Variants in FOXRED2 observed in about 807,000 individuals in gnomAD.
The protein encoded by FOXRED2 is FAD-dependent oxidoreductase domain-containing protein 2.
A neutral mutation model predicts 52.5 loss-of-function variants in FOXRED2; 32 were observed. That is an observed-to-expected ratio of 0.61 (90% confidence interval 0.46 to 0.82). The LOEUF (loss-of-function observed/expected upper bound fraction) is 0.82, where lower values mean the gene tolerates loss of function less well. Ranked by LOEUF, FOXRED2 falls within the 40% of genes least tolerant of loss-of-function variation. The probability of loss-of-function intolerance (pLI) is 0.00; values close to 1 mark genes in which losing one functional copy is unlikely to be tolerated. For missense variants in FOXRED2, 848 were observed against 937.5 expected, an observed-to-expected ratio of 0.90 and a Z score of 1.25; for synonymous variants, 405 against 398.1, an observed-to-expected ratio of 1.02 and a Z score of -0.21.
In FOXRED2 at chr22:36,505,934, G is replaced by A. The variant is rs748115110; in HGVS notation, c.489C>T (p.Phe163=). 9.9e-6 allele frequency: 16 copies of A among 1,614,014 alleles called. No homozygotes were observed. Among genetic ancestry groups the A allele is most frequent in the Non-Finnish European group, 1.4e-5 (16 of 1,179,964 alleles). ...CCTGGCCCTTCTGGTCAGTTAGGAT[G>A]AAGTAGTGGCCATTCCAGGCCTGTC... The part of the protein sequence containing the change: ...KDRQAWNGHY[F]ILTDQKGQVH... The change falls in exon 2 of 9, where the codon TTC becomes TTT. Residue 163 remains phenylalanine (F), a synonymous_variant. Transcript: ENST00000397224.
At chr22:36,505,828 A>C (rs1934176095) in intron 2 of FOXRED2, 68 bp downstream of exon 2, 2 of 1,522,582 alleles carry the variant, frequency 1.3e-6, no homozygotes, top group African/African-American at 1.4e-5. Context: ...CCTACTGGCC[A>C]ATCAAGGTGT....
At chr22:36,497,766 T>C (rs937341994) in intron 6 of FOXRED2, among the ~76,000 whole-genome samples, 1 of 152,188 alleles carries the variant, frequency 6.6e-6, no homozygotes, top group South Asian at 2.1e-4. Flanking sequence ...ATTTTGCAGA[T>C]GAGGAAGAAG....
chr22:36,493,815 A>C lies in FOXRED2; in HGVS notation c.1625-12T>G. 4 of 1,612,976 alleles carry C rather than the reference A, an allele frequency of 2.5e-6. No homozygotes were observed. Among genetic ancestry groups the C allele is most frequent in the Non-Finnish European group, 3.4e-6 (4 of 1,179,282 alleles). ...CCTCACCTCCTGTTCTGTGGGGAGG[A>C]GAGAGGGGGCCATGTCAGAGCTGTG... On this transcript the variant is annotated splice_polypyrimidine_tract_variant and intron_variant, in intron 7 of 8. Transcript: ENST00000397224.
At chr22:36,503,345 C>A (rs367626487) in intron 4 of FOXRED2, among the ~76,000 whole-genome samples, 1 of 147,772 alleles carries the variant, frequency 6.8e-6, no homozygotes, top group Non-Finnish European at 1.5e-5. Flanking sequence ...ATAAGAGTCT[C>A]GTCACCCAGG....
At chr22:36,490,878 C>A (rs901777190) in intron 8 of FOXRED2, among the ~76,000 whole-genome samples, 2 of 152,162 alleles carry the variant, frequency 1.3e-5, no homozygotes, top group African/African-American at 4.8e-5. Flanking sequence ...AAGAAACGGC[C>A]GGGCGTGGTG....
intron 8 of FOXRED2, among the ~76,000 whole-genome samples, 155 bp downstream of exon 8, chr22:36,493,478 G>C (rs935960902): frequency 9.9e-5 from 15 of 151,896 alleles, no homozygotes; most frequent in Non-Finnish European, 1.2e-4. Context: ...ATTATTTTTA[G>C]GTGAGTTGTA....
At position 36,504,353 on chromosome 22, in the gene FOXRED2, C is replaced by G. The variant is rs1186372799; in HGVS notation, c.794G>C (p.Gly265Ala). 2 of 1,613,984 alleles carry G rather than the reference C, an allele frequency of 1.2e-6. No homozygotes were observed. The highest frequency in any genetic ancestry group is 2.2e-5 in the South Asian group (2 of 91,078). The change falls in exon 4 of 9, where the codon GGC becomes GCC. Residue 265 changes from glycine (G) to alanine (A), a missense_variant. Coordinates refer to ENST00000397224, the MANE Select transcript of FOXRED2 (RefSeq NM_001102371.2). The part of the protein sequence containing the change: ...YVGDLRAINN[G>A]LLDTYQLKSL... ...CTTGAGCTGGTAGGTATCCAGCAGG[C>G]CATTGTTGATGGCTCTGAGCCCACA...
intron 7 of FOXRED2, 106 bp downstream of exon 7, chr22:36,495,861 A>G: frequency 7.7e-7 from 1 of 1,294,998 alleles, no homozygotes; most frequent in South Asian, 1.3e-5. Context: ...CAGCCATCCC[A>G]CCTGTCAGCT....
At position 36,489,394 on chromosome 22, in the gene FOXRED2, A is replaced by G. The variant is rs1227058085; in HGVS notation, c.*614T>C. 1.3e-5 allele frequency: 2 copies of G among 152,192 alleles called. No homozygotes were observed. Among genetic ancestry groups the G allele is most frequent in the Non-Finnish European group, 2.9e-5 (2 of 68,052 alleles). The allele number at this position is 152,192 out of a possible 1,614,324, so 9.4% of individuals were successfully genotyped here. A position where few individuals can be genotyped will look rare whatever the true frequency, so the allele number is the denominator to read the frequency against. ...CAGGGCTGACCCTCTTGGGCTCTGT[A>G]GCTAAGCCCAAACCCTGCTGAAAAT... On this transcript the variant is annotated 3_prime_UTR_variant, in exon 9 of 9. Coordinates refer to ENST00000397224, the MANE Select transcript of FOXRED2 (RefSeq NM_001102371.2).
intron 5 of FOXRED2, among the ~76,000 whole-genome samples, chr22:36,498,975 C>T (rs1049313539): frequency 1.3e-5 from 2 of 151,926 alleles, no homozygotes; most frequent in African/African-American, 4.8e-5. Context: ...CACTCTGATG[C>T]CCAGGCTGGA....
In FOXRED2 at chr22:36,490,088, C is replaced by G. The variant is rs764251246; in HGVS notation, c.1975G>C (p.Gly659Arg). 10 of 1,613,758 alleles carry G rather than the reference C, an allele frequency of 6.2e-6. No individual in the cohort carries two copies. Among genetic ancestry groups the G allele is most frequent in the Non-Finnish European group, 7.6e-6 (9 of 1,179,744 alleles). The change falls in exon 9 of 9, where the codon GGC becomes CGC. Residue 659 changes from glycine (G) to arginine (R), a missense_variant. Transcript: ENST00000397224. Reference sequence around the variant, plus strand: ...GGGGAACCTAGTGGCTCTTGGTCGCCAAGCTGCTGGCTGCTGTCCTCCAGG... The same window carrying G: ...GGGGAACCTAGTGGCTCTTGGTCGCGAAGCTGCTGGCTGCTGTCCTCCAGG... The part of the protein sequence containing the change: ...RRLEDSSQQL[G>R]DQEPLGSPLA...
At position 36,506,107 on chromosome 22, in the gene FOXRED2, C is replaced by T. The variant is rs770424273; in HGVS notation, c.316G>A (p.Asp106Asn). 4 of 1,614,230 alleles carry T rather than the reference C, an allele frequency of 2.5e-6. No individual in the cohort carries two copies. The highest frequency in any genetic ancestry group is 3.4e-6 in the Non-Finnish European group (4 of 1,180,032). The change falls in exon 2 of 9, where the codon GAC becomes AAC. Residue 106 changes from aspartate (D) to asparagine (N), a missense_variant. By Grantham distance (23) the Asp-to-Asn change is conservative. Coordinates refer to ENST00000397224, the MANE Select transcript of FOXRED2 (RefSeq NM_001102371.2). The stretch of plus-strand genomic sequence containing the variant: ...TAGTGTCTGAAGAGCAGCCGGGGGT[C>T]GTGGCTGAGCAGAGAGTTCCAGTCG... Reference protein sequence around the residue: ...RHDWNSLLSHDPRLLFRHYSR... With the variant: ...RHDWNSLLSHNPRLLFRHYSR...
chr22:36,496,245 T>C (rs1276670296), intron 6 of FOXRED2, 37 bp from the exon 7 acceptor site: 1 of 1,611,106 alleles, frequency 6.2e-7, no homozygotes, highest in Non-Finnish European at 8.5e-7. Context: ...CCCTCAGTGC[T>C]GTGGCAGAGG....
chr22:36,490,859 A>G (rs1475489473), intron 8 of FOXRED2, among the ~76,000 whole-genome samples: 1 of 152,256 alleles, frequency 6.6e-6, no homozygotes, highest in Non-Finnish European at 1.5e-5. Flanking sequence ...CTTATCATGT[A>G]GAAATATGAA....
At chr22:36,498,271 T>C (rs1208785665) in intron 5 of FOXRED2, 115 bp from the exon 6 acceptor site, 1 of 1,254,702 alleles carries the variant, frequency 8.0e-7, no homozygotes, top group Non-Finnish European at 1.1e-6. Flanking sequence ...CTGGTCTCCA[T>C]GGCCCAGCGC....
chr22:36,501,290 C>T lies in FOXRED2; in HGVS notation c.1167G>A (p.Val389=). The T allele has an allele frequency of 6.2e-7, 1 of 1,614,102 alleles. No homozygotes were observed. The highest frequency in any genetic ancestry group is 8.5e-7 in the Non-Finnish European group (1 of 1,180,008). Residue 389 remains valine (V), a synonymous_variant, in exon 5 of 9, where the codon GTG becomes GTA. Coordinates refer to ENST00000397224, the MANE Select transcript of FOXRED2 (RefSeq NM_001102371.2). ...LFILGTASHS[V]DYRKSAGGFI... is the part of the protein sequence containing the mutation. The stretch of plus-strand genomic sequence containing the variant: ...AGCCCCCAGCAGATTTCCGGTAGTC[C>T]ACCGAGTGGCTGGCAGTACCCAGGA...
intron 2 of FOXRED2, 78 bp from the exon 3 acceptor site, chr22:36,504,844 AC>A: frequency 2.0e-6 from 3 of 1,493,092 alleles, no homozygotes; most frequent in Non-Finnish European, 2.7e-6. Context: ...CCCTGGACCC[AC>A]CCACCCACCT....
chr22:36,501,959 T>C (rs545823565), intron 4 of FOXRED2, among the ~76,000 whole-genome samples: 1 of 142,956 alleles, frequency 7.0e-6, no homozygotes, highest in African/African-American at 2.6e-5. Flanking sequence ...AGGTCAGGAG[T>C]TCGAGACCAG....
intron 7 of FOXRED2, among the ~76,000 whole-genome samples, chr22:36,494,027 G>A (rs1486138199): frequency 1.3e-5 from 2 of 152,228 alleles, no homozygotes; most frequent in Non-Finnish European, 2.9e-5. Flanking sequence ...TTTCCCTTGT[G>A]GTTTCGGAAG....
Sources: gnomAD v4.1 joint callset for allele counts (sites outside exome capture counted in the v4.1 genomes callset) on GRCh38, gnomAD v4.1.1 for gene constraint, MANE v1.5 for transcripts, NCBI Gene and HGNC (gene_info 2026-07-23, HGNC 2026-07-21) for gene names.